Variants in ZBTB40 observed in about 807,000 individuals in gnomAD.
ZBTB40 encodes zinc finger and BTB domain-containing protein 40.
A neutral mutation model predicts 117.5 loss-of-function variants in ZBTB40; 60 were observed. The ratio of observed to expected loss-of-function variants is 0.51; its 90% CI spans 0.41 to 0.63. ZBTB40 has a LOEUF of 0.63. Among genes scored for constraint, ZBTB40 ranks in the 30% least tolerant of loss-of-function variants. The pLI is 0.00. For synonymous variants in ZBTB40, 525 were observed against 577.1 expected, an observed-to-expected ratio of 0.91 and a Z score of 1.29; for missense variants, 1,287 against 1,498.5, an observed-to-expected ratio of 0.86 and a Z score of 2.33.
At chr1:22,466,707 A>C (rs1569787115) in intron 1 of ZBTB40, among the ~76,000 whole-genome samples, 1 of 151,648 alleles carries the variant, frequency 6.6e-6, no homozygotes, top group Non-Finnish European at 1.5e-5. Flanking sequence ...TGTGTATTCA[A>C]ATCCTTTGCC....
At chr1:22,451,342 G>A (rs1014774531), upstream of ZBTB40, among the ~76,000 whole-genome samples, 4 of 152,178 alleles carry the variant, frequency 2.6e-5, no homozygotes, top group African/African-American at 4.8e-5. Flanking sequence ...TAGAGCTGCC[G>A]GAGCGAGACT....
intron 3 of ZBTB40, among the ~76,000 whole-genome samples, chr1:22,499,925 A>C (rs1199844079): frequency 6.6e-6 from 1 of 152,214 alleles, no homozygotes; most frequent in East Asian, 1.9e-4. Flanking sequence ...GAGCTCCTTT[A>C]GTGTGGTGGG....
Position 22,513,966 on chromosome 1 carries a change from A to T in ZBTB40, c.2668+836A>T, listed in dbSNP as rs1237727290. On this transcript the variant is annotated intron_variant, in intron 12 of 17. Coordinates refer to ENST00000375647, the MANE Select transcript of ZBTB40 (RefSeq NM_014870.4). This position sits in a 1 kb window ranked among gnomAD's most constrained non-coding sequence, Gnocchi z 4.9. The stretch of plus-strand genomic sequence containing the variant: ...TGAGAAGGACCCTGACTAAGCACCT[A>T]CCGTGGATCAGACAGTGGCAGATGC... Among the ~76,000 whole-genome samples the T allele has an allele frequency of 6.6e-6, 1 of 152,218 alleles. No homozygotes were observed. Among genetic ancestry groups the T allele is most frequent in the Non-Finnish European group, 1.5e-5 (1 of 68,048 alleles).
intron 15 of ZBTB40, among the ~76,000 whole-genome samples, chr1:22,521,862 C>T (rs1639537187): frequency 6.6e-6 from 1 of 152,180 alleles, no homozygotes; most frequent in Non-Finnish European, 1.5e-5. Flanking sequence ...GGAAGCGTAG[C>T]GCAGTGTAAG....
chr1:22,498,242 ACTTAGCC>A (rs1394882144), intron 3 of ZBTB40, among the ~76,000 whole-genome samples: 14 of 152,356 alleles, frequency 9.2e-5, no homozygotes, highest in African/African-American at 3.4e-4. Context: ...TGGTTAAAGA[ACTTAGCC>A]CTTTCAACAG....
At chr1:22,461,197 T>C (rs1288142452) in intron 1 of ZBTB40, among the ~76,000 whole-genome samples, 1 of 152,220 alleles carries the variant, frequency 6.6e-6, no homozygotes, top group Non-Finnish European at 1.5e-5. Context: ...TTGACCACTC[T>C]AGACACAAGC....
intron 1 of ZBTB40, among the ~76,000 whole-genome samples, chr1:22,468,050 C>T (rs1557488093): frequency 6.7e-6 from 1 of 150,006 alleles, no homozygotes; most frequent in East Asian, 1.9e-4. Context: ...GGTCGCACCA[C>T]TGTACTTCAG....
At chr1:22,504,506 C>G (rs574053241) in intron 5 of ZBTB40, among the ~76,000 whole-genome samples, 293 of 152,300 alleles carry the variant, frequency 1.9e-3, no homozygotes, top group Non-Finnish European at 3.6e-3. Flanking sequence ...GGAGGTGAAG[C>G]AGCTCACCCA....
intron 1 of ZBTB40, among the ~76,000 whole-genome samples, chr1:22,456,017 C>G (rs72649499): frequency 0.022 from 3,306 of 152,248 alleles, 45 homozygotes; most frequent in Non-Finnish European, 0.035. Context: ...CCTCTTTCAA[C>G]TCTTCAGCAG....
intron 3 of ZBTB40, among the ~76,000 whole-genome samples, chr1:22,496,013 A>G (rs1638764501): frequency 1.3e-5 from 2 of 152,154 alleles, no homozygotes; most frequent in Non-Finnish European, 2.9e-5. Flanking sequence ...CAGTTCTCTC[A>G]TCTGTATTTT....
intron 1 of ZBTB40, among the ~76,000 whole-genome samples, chr1:22,464,963 GT>G (rs1277820203): frequency 1.3e-5 from 2 of 152,152 alleles, no homozygotes; most frequent in African/African-American, 4.8e-5. Flanking sequence ...GATCTTTAGG[GT>G]GTCGATTTTC....
At chr1:22,440,426 C>T (rs922437239) in intron 1 of ZBTB40, among the ~76,000 whole-genome samples, 4 of 152,184 alleles carry the variant, frequency 2.6e-5, no homozygotes, top group Non-Finnish European at 4.4e-5. Flanking sequence ...TGCTTGAGCC[C>T]AGAAGTTTGA....
At chr1:22,510,601 A>C (rs1385378200) in intron 9 of ZBTB40, among the ~76,000 whole-genome samples, 2 of 152,258 alleles carry the variant, frequency 1.3e-5, no homozygotes, top group Non-Finnish European at 2.9e-5. Context: ...ATTCTGAAAG[A>C]GGACGACGGC....
chr1:22,448,580 A>T (rs1640814890), upstream of ZBTB40, among the ~76,000 whole-genome samples: 1 of 152,218 alleles, frequency 6.6e-6, no homozygotes, highest in African/African-American at 2.4e-5. Flanking sequence ...TTTAAACCCT[A>T]ACTCTACTAT....
upstream of ZBTB40, among the ~76,000 whole-genome samples, chr1:22,447,730 G>A (rs115254381): frequency 5.3e-3 from 805 of 152,282 alleles, 8 homozygotes; most frequent in Middle Eastern, 0.024. Flanking sequence ...CCTCCTCCTC[G>A]GCATTTGTCA....
chr1:22,431,821 T>A (rs1640595449), intron 1 of ZBTB40, among the ~76,000 whole-genome samples: 1 of 152,128 alleles, frequency 6.6e-6, no homozygotes, highest in Admixed American at 6.5e-5. Flanking sequence ...AAATTTGTAT[T>A]TGATGGTATT....
At chr1:22,467,183 AT>A (rs984165821) in intron 1 of ZBTB40, among the ~76,000 whole-genome samples, 3 of 151,970 alleles carry the variant, frequency 2.0e-5, no homozygotes, top group African/African-American at 7.2e-5. Flanking sequence ...AAACATTAAC[AT>A]TTTTTTTCCT....
At chr1:22,503,371 A>G (rs1638993924) in intron 5 of ZBTB40, among the ~76,000 whole-genome samples, 1 of 150,908 alleles carries the variant, frequency 6.6e-6, no homozygotes, top group Non-Finnish European at 1.5e-5. Context: ...CTAGATAACT[A>G]TGTTTGTTGG....
At chr1:22,508,279 G>A (rs1380126854) in intron 7 of ZBTB40, 142 bp downstream of exon 7, 1 of 1,106,036 alleles carries the variant, frequency 9.0e-7, no homozygotes, top group Non-Finnish European at 1.3e-6. Flanking sequence ...AGAAATAGAA[G>A]GTATCTCAGT....
Sources: gnomAD v4.1 joint callset for allele counts (sites outside exome capture counted in the v4.1 genomes callset) on GRCh38, gnomAD v4.1.1 for gene constraint, Gnocchi (gnomAD v3.1) non-coding constraint, MANE v1.5 for transcripts, NCBI Gene and HGNC (gene_info 2026-07-23, HGNC 2026-07-21) for gene names.